Variants in POM121 observed in about 807,000 individuals in gnomAD.
POM121 encodes the protein POM121 transmembrane nucleoporin.
POM121 carries 32 observed loss-of-function variants against 81.3 expected under a neutral mutation model. The ratio of observed to expected loss-of-function variants is 0.39; its 90% CI spans 0.30 to 0.53. POM121 has a LOEUF of 0.53. Among genes scored for constraint, POM121 ranks in the 20% least tolerant of loss-of-function variants. POM121 has a pLI of 0.66. For missense variants in POM121, 1,138 were observed against 1,614.6 expected, an observed-to-expected ratio of 0.70 and a Z score of 5.06; for synonymous variants, 514 against 694.2, an observed-to-expected ratio of 0.74 and a Z score of 4.08.
intron 3 of POM121, among the ~76,000 whole-genome samples, chr7:72,912,693 C>T (rs549856778): frequency 2.6e-5 from 4 of 152,200 alleles, no homozygotes; most frequent in East Asian, 1.9e-4. Flanking sequence ...GCAGGGGAAT[C>T]GCTTGAACCC....
At chr7:72,930,727 C>G (rs1341406224) in intron 5 of POM121, among the ~76,000 whole-genome samples, 2 of 152,132 alleles carry the variant, frequency 1.3e-5, no homozygotes, top group African/African-American at 4.8e-5. Flanking sequence ...GGCGGGATGG[C>G]TCATGCCTGT....
chr7:72,911,585 G>A (rs1203499789), intron 3 of POM121, among the ~76,000 whole-genome samples: 43 of 152,180 alleles, frequency 2.8e-4, no homozygotes, highest in Non-Finnish European at 5.1e-4. Flanking sequence ...GTGCCTTTGC[G>A]CTCTGGCTCG....
At position 72,898,319 on chromosome 7, in the gene POM121, C is replaced by T. The variant is rs1792176873; in HGVS notation, c.-216+7209C>T. Reference sequence around the variant, plus strand: ...AAGTTGCCCAGGCTGGTCTCAAACTCCTGGGCTCAAGCGATCCTCCCGTCT... The same window carrying T: ...AAGTTGCCCAGGCTGGTCTCAAACTTCTGGGCTCAAGCGATCCTCCCGTCT... On this transcript the variant is annotated intron_variant, in intron 3 of 15. Transcript: ENST00000395270. Among the ~76,000 whole-genome samples, 3 of 152,212 alleles carry T rather than the reference C, an allele frequency of 2.0e-5. No individual in the cohort carries two copies. In the South Asian group the frequency reaches 6.2e-4, roughly 32 times the overall value.
intron 7 of POM121, 151 bp from the exon 8 acceptor site, chr7:72,939,696 G>C (rs2530515): frequency 6.3e-7 from 1 of 1,597,486 alleles, no homozygotes; most frequent in Non-Finnish European, 8.5e-7. Flanking sequence ...CCTTAATCTT[G>C]CAAACACCAT....
chr7:72,888,047 A>G, intron 1 of POM121, among the ~76,000 whole-genome samples: 1 of 152,056 alleles, frequency 6.6e-6, no homozygotes, highest in East Asian at 1.9e-4. Flanking sequence ...TTTTCTTTGT[A>G]GAGACAGGGT....
upstream of POM121, among the ~76,000 whole-genome samples, chr7:72,920,630 A>C (rs531388717): frequency 1.4e-4 from 21 of 152,264 alleles, no homozygotes; most frequent in African/African-American, 4.8e-4. Context: ...CTGGGATTAC[A>C]GGCGTGAGCC....
chr7:72,930,116 A>G lies in POM121; in HGVS notation c.1275+5A>G. Reference sequence around the variant, plus strand: ...TCCACTCGAGGCATCTCACAGGTACAAGTACAGCTCTTTTAATGTGGGGGA... The same window carrying G: ...TCCACTCGAGGCATCTCACAGGTACGAGTACAGCTCTTTTAATGTGGGGGA... On this transcript the variant is annotated splice_donor_5th_base_variant and intron_variant, in intron 5 of 12. Coordinates refer to ENST00000434423, the MANE Select transcript of POM121 (RefSeq NM_001387691.1). 9 of 1,604,968 alleles carry G rather than the reference A, an allele frequency of 5.6e-6. No individual in the cohort carries two copies. Among genetic ancestry groups the G allele is most frequent in the Non-Finnish European group, 7.7e-6 (9 of 1,174,160 alleles).
intron 4 of POM121, among the ~76,000 whole-genome samples, chr7:72,915,181 A>G (rs1173087209): frequency 6.6e-6 from 1 of 152,152 alleles, no homozygotes; most frequent in Non-Finnish European, 1.5e-5. Flanking sequence ...GGGGTTAACC[A>G]TTACTGTGCC....
intron 5 of POM121, among the ~76,000 whole-genome samples, chr7:72,932,549 A>G (rs1178157590): frequency 3.3e-5 from 5 of 152,210 alleles, no homozygotes; most frequent in Admixed American, 1.3e-4. Flanking sequence ...ATCCTTGGCA[A>G]TTTTGCCTCT....
In POM121 at chr7:72,890,660, T is replaced by G. The variant is rs1408384136; in HGVS notation, c.-487T>G. On this transcript the variant is annotated 5_prime_UTR_variant, in exon 2 of 16. Transcript: ENST00000395270. ...GTCATTCAAAGATGTGGCTGTGGAT[T>G]TCACCCAGGAGGAGTGGTGGCAACT... The G allele has an allele frequency of 2.5e-6, 4 of 1,601,448 alleles. No homozygotes were observed. The Admixed American group carries it at 5.0e-5, about 20-fold the overall frequency.
In POM121 at chr7:72,925,292, G is replaced by T. The variant is rs1795279507; in HGVS notation, c.171G>T (p.Trp57Cys). The T allele has an allele frequency of 6.5e-7, 1 of 1,534,620 alleles. No individual in the cohort carries two copies. Among genetic ancestry groups the T allele is most frequent in the Non-Finnish European group, 8.7e-7 (1 of 1,146,494 alleles). Residue 57 changes from tryptophan (W) to cysteine (C), a missense_variant, in exon 1 of 13, where the codon TGG becomes TGT. Coordinates refer to ENST00000434423, the MANE Select transcript of POM121 (RefSeq NM_001387691.1). The stretch of plus-strand genomic sequence containing the variant: ...TGCCGGCTGCGGCTGCACTGGCCTG[G>T]CTGACCGTGGGGGCTACCGCGGCCT... Reference protein sequence around the residue: ...YLVPAAAALAWLTVGATAAWW... With the variant: ...YLVPAAAALACLTVGATAAWW...
At chr7:72,902,473 A>C (rs1157575676) in intron 3 of POM121, among the ~76,000 whole-genome samples, 1 of 150,378 alleles carries the variant, frequency 6.6e-6, no homozygotes, top group Admixed American at 6.6e-5. Context: ...CCTTTCAATA[A>C]TTTCTATTTT....
At chr7:72,911,703 A>G (rs237927) in intron 3 of POM121, among the ~76,000 whole-genome samples, 7,118 of 152,168 alleles carry the variant, frequency 0.047, 246 homozygotes, top group Non-Finnish European at 0.069. Flanking sequence ...GAGTAGGACT[A>G]TTGGGAGGAT....
intron 1 of POM121, among the ~76,000 whole-genome samples, chr7:72,886,310 A>T (rs1275675136): frequency 6.6e-6 from 1 of 152,010 alleles, no homozygotes; most frequent in African/African-American, 2.4e-5. Context: ...GGTAGCTGGG[A>T]TTACAGACAC....
upstream of POM121, among the ~76,000 whole-genome samples, chr7:72,922,046 C>A (rs1346370150): frequency 2.6e-5 from 4 of 152,142 alleles, no homozygotes; most frequent in Admixed American, 6.5e-5. Context: ...GTTCCACATC[C>A]ATACCAAGAC....
chr7:72,939,774 C>T lies in POM121; in HGVS notation c.1442-73C>T, dbSNP rs528920281. The T allele has an allele frequency of 7.5e-6, 12 of 1,610,440 alleles. No individual in the cohort carries two copies. In the East Asian group the frequency reaches 1.1e-4, roughly 15 times the overall value. Reference sequence around the variant, plus strand: ...CCCATTGAAAACTCAATGTGAAATGCGAAGTGGGTAGACACAACCATCCAT... The same window carrying T: ...CCCATTGAAAACTCAATGTGAAATGTGAAGTGGGTAGACACAACCATCCAT... On this transcript the variant is annotated intron_variant, in intron 7 of 12. Coordinates refer to ENST00000434423, the MANE Select transcript of POM121 (RefSeq NM_001387691.1).
rs1372381308 is a variant in POM121, at chr7:72,898,521, G to C, written c.-216+7411G>C. ...AGATAAAAATGCTGGAGTCAGTCAG[G>C]CGTGTTGGCTCACGCCTGTAATCCC... On this transcript the variant is annotated intron_variant, in intron 3 of 15. Transcript: ENST00000395270. Among the ~76,000 whole-genome samples, 3 of 152,318 alleles carry C rather than the reference G, an allele frequency of 2.0e-5. No individual in the cohort carries two copies. The East Asian group carries it at 5.8e-4, about 29-fold the overall frequency.
intron 4 of POM121, among the ~76,000 whole-genome samples, chr7:72,917,591 G>T (rs1372877664): frequency 2.0e-5 from 3 of 152,168 alleles, no homozygotes; most frequent in African/African-American, 7.2e-5. Flanking sequence ...CTACCATCAC[G>T]AAATGCCACA....
intron 3 of POM121, among the ~76,000 whole-genome samples, chr7:72,893,623 A>G (rs1299756144): frequency 1.3e-5 from 2 of 152,154 alleles, no homozygotes; most frequent in South Asian, 2.1e-4. Context: ...CGTCTTAACC[A>G]TTTTTAAGTG....
Sources: allele counts gnomAD v4.1 joint callset (sites outside exome capture counted in the v4.1 genomes callset), GRCh38; gene constraint gnomAD v4.1.1; transcripts MANE v1.5; gene names NCBI Gene and HGNC (gene_info 2026-07-23, HGNC 2026-07-21).